KANK4: variants seen among roughly 807,000 people sequenced by gnomAD.
The protein encoded by KANK4 is KN motif and ankyrin repeat domain-containing protein 4.
In KANK4, 50 loss-of-function variants were observed where a neutral mutation model predicts 80.8. The ratio of observed to expected loss-of-function variants is 0.62; its 90% CI spans 0.49 to 0.78. KANK4 has a LOEUF of 0.78. KANK4 is among the 30% of genes least tolerant of loss of function. The pLI is 0.00. For synonymous variants in KANK4, 465 were observed against 506.9 expected, an observed-to-expected ratio of 0.92 and a Z score of 1.11; for missense variants, 1,196 against 1,240.1, an observed-to-expected ratio of 0.96 and a Z score of 0.53.
In KANK4 at chr1:62,238,243, C is replaced by T; in HGVS notation, c.*34G>A. On this transcript the variant is annotated 3_prime_UTR_variant, in exon 10 of 10. Coordinates refer to ENST00000371153, the MANE Select transcript of KANK4 (RefSeq NM_181712.5). ...CGAGGGAGGAGTCCAGAGAAGAAGGCTTTTGTTCCCCACGGCCAGTTCTTC... is the reference window on the plus strand; with the variant it reads ...CGAGGGAGGAGTCCAGAGAAGAAGGTTTTTGTTCCCCACGGCCAGTTCTTC... 6.6e-7 allele frequency: 1 copy of T among 1,521,136 alleles called. No individual in the cohort carries two copies. Among genetic ancestry groups the T allele is most frequent in the Non-Finnish European group, 9.1e-7 (1 of 1,096,788 alleles). The allele number at this position is 1,521,136 out of a possible 1,614,324, so 94.2% of individuals were successfully genotyped here. A position where few individuals can be genotyped will look rare whatever the true frequency, so the allele number is the denominator to read the frequency against.
Position 62,273,234 on chromosome 1 carries a change from G to T in KANK4, c.1870C>A (p.Pro624Thr). The T allele has an allele frequency of 1.3e-6, 2 of 1,520,384 alleles. No individual in the cohort carries two copies. The highest frequency in any genetic ancestry group is 1.8e-6 in the Non-Finnish European group (2 of 1,134,052). 94.2% of individuals were successfully genotyped at this position (1,520,384 alleles called of 1,614,324 possible). Residue 624 changes from proline to threonine, a missense_variant, in exon 3 of 10, where the codon CCA becomes ACA. This residue lies in a region of KANK4 where 1,154 missense variants were observed against 1,179.6 expected (regional missense o/e 0.98). Transcript: ENST00000371153. The stretch of plus-strand genomic sequence containing the variant: ...GGCGGGGAGGAGGAGGAGGCCGGTG[G>T]CTCCTTGGGTGGGTGAGCCTGGGCC... The part of the protein sequence containing the change: ...YSAQAHPPKE[P>T]PASSSSPPVE...
chr1:62,273,860 T>G lies in KANK4; in HGVS notation c.1244A>C (p.Asn415Thr). 6.2e-7 allele frequency: 1 copy of G among 1,614,192 alleles called. No individual in the cohort carries two copies. The highest frequency in any genetic ancestry group is 2.2e-5 in the East Asian group (1 of 44,872). Residue 415 changes from asparagine to threonine, a missense_variant, in exon 3 of 10, where the codon AAC (asparagine) becomes ACC (threonine). Asn to Thr is a moderately conservative substitution (Grantham distance 65). Transcript: ENST00000371153. ...CAAGAGTCCATGGACAGGGTCAGTG[T>G]TCACCATCACGTCCGTCTGGCCCTG... ...DTQGQTDVMV[N>T]TDPVHGLLTR...
Position 62,238,377 on chromosome 1 carries a change from C to T in KANK4, c.2888G>A (p.Gly963Asp). Residue 963 changes from glycine (G) to aspartate (D), a missense_variant, in exon 10 of 10, where the codon GGC (glycine) becomes GAC (aspartate). Gly to Asp is a moderately conservative substitution (Grantham distance 94, BLOSUM62 -1). Transcript: ENST00000371153. Reference protein sequence around the residue: ...ACDSSLTDKAGRTALSIALKS... With the variant: ...ACDSSLTDKADRTALSIALKS... Reference sequence around the variant, plus strand: ...CAGAGCGATGGACAAAGCTGTGCGGCCAGCCTACAGGAGAAAAAGGAAAGA... The same window carrying T: ...CAGAGCGATGGACAAAGCTGTGCGGTCAGCCTACAGGAGAAAAAGGAAAGA... 6.2e-7 allele frequency: 1 copy of T among 1,613,668 alleles called. No individual in the cohort carries two copies. The highest frequency in any genetic ancestry group is 1.6e-4 in the Middle Eastern group (1 of 6,062).
At chr1:62,253,335 A>G in intron 7 of KANK4, 126 bp from the exon 8 acceptor site, 1 of 705,956 alleles carries the variant, frequency 1.4e-6, no homozygotes, top group Non-Finnish European at 2.2e-6. Context: ...TGCTTTCCAC[A>G]GCTGGAGCCA....
At chr1:62,284,122 A>G (rs74076464) in intron 1 of KANK4, among the ~76,000 whole-genome samples, 11,832 of 151,916 alleles carry the variant, frequency 0.078, 1,259 homozygotes, top group African/African-American at 0.24. Flanking sequence ...CCCGACTCCC[A>G]CCCCCAGCCT....
At chr1:62,257,535 G>A (rs2057634) in intron 7 of KANK4, among the ~76,000 whole-genome samples, 20,882 of 152,230 alleles carry the variant, frequency 0.14, 1,584 homozygotes, top group Admixed American at 0.18. Flanking sequence ...AATAAAGGAC[G>A]GATCACTTGG....
chr1:62,294,289 T>A (rs1281390031), intron 1 of KANK4, among the ~76,000 whole-genome samples: 1 of 152,164 alleles, frequency 6.6e-6, no homozygotes, highest in African/African-American at 2.4e-5. Context: ...AACCACAATT[T>A]GGAGTAAATG....
chr1:62,256,582 C>T (rs947963423), intron 7 of KANK4, among the ~76,000 whole-genome samples: 3 of 152,036 alleles, frequency 2.0e-5, no homozygotes, highest in Non-Finnish European at 4.4e-5. Flanking sequence ...GGGGTTTCTC[C>T]ATGTTGGTCA....
intron 1 of KANK4, among the ~76,000 whole-genome samples, chr1:62,281,890 C>T (rs962682229): frequency 6.6e-6 from 1 of 152,112 alleles, no homozygotes; most frequent in Non-Finnish European, 1.5e-5. Flanking sequence ...TCTTGCTTGG[C>T]AGATGAGGAA....
At chr1:62,245,622 T>G (rs938747778) in intron 9 of KANK4, among the ~76,000 whole-genome samples, 5 of 152,226 alleles carry the variant, frequency 3.3e-5, no homozygotes, top group African/African-American at 1.2e-4. Context: ...ATCTCTGCTC[T>G]GCGAATCAGT....
At chr1:62,249,341 CATGTTT>C (rs1671552729) in intron 8 of KANK4, among the ~76,000 whole-genome samples, 1 of 133,418 alleles carries the variant, frequency 7.5e-6, no homozygotes, top group Non-Finnish European at 1.6e-5. Flanking sequence ...TATATGTGTG[CATGTTT>C]GTGTGTGTGC....
intron 5 of KANK4, 27 bp downstream of exon 5, chr1:62,268,260 T>TG: frequency 6.3e-7 from 1 of 1,579,064 alleles, no homozygotes; most frequent in East Asian, 2.2e-5. Flanking sequence ...GAGGAACAAG[T>TG]GCCCGCGTTT....
intron 6 of KANK4, 81 bp from the exon 7 acceptor site, chr1:62,263,392 G>A: frequency 6.9e-6 from 8 of 1,165,744 alleles, no homozygotes; most frequent in Non-Finnish European, 9.9e-6. Flanking sequence ...AGACAGCTTT[G>A]GCCTCTGTCC....
intron 6 of KANK4, among the ~76,000 whole-genome samples, chr1:62,264,490 G>T (rs1160148947): frequency 1.3e-5 from 2 of 152,164 alleles, no homozygotes; most frequent in Non-Finnish European, 2.9e-5. Flanking sequence ...CAACCTTTTT[G>T]ATCCTTACTT....
intron 1 of KANK4, among the ~76,000 whole-genome samples, chr1:62,285,671 A>C (rs563091709): frequency 6.6e-6 from 1 of 152,180 alleles, no homozygotes; most frequent in African/African-American, 2.4e-5. Context: ...TTGCCACGAG[A>C]ATTCTTGGAG....
At chr1:62,266,911 C>T in intron 5 of KANK4, 92 bp from the exon 6 acceptor site, 1 of 841,032 alleles carries the variant, frequency 1.2e-6, no homozygotes, top group South Asian at 1.7e-5. Flanking sequence ...CACATCTCAG[C>T]AGCTCAAAAA....
intron 1 of KANK4, among the ~76,000 whole-genome samples, chr1:62,292,461 G>A (rs748986099): frequency 4.6e-5 from 7 of 152,070 alleles, no homozygotes; most frequent in Non-Finnish European, 8.8e-5. Flanking sequence ...ATTACCTATT[G>A]TTCAAATCCT....
In KANK4 at chr1:62,274,534, G is replaced by A; in HGVS notation, c.570C>T (p.Leu190=). ...LSLGPPAPPA[L]PPLQGEGSVC... ...CACTGCCTTCACCCTGAAGGGGAGGGAGGGCAGGAGGGGCAGGGGGCCCCA... is the reference window on the plus strand; with the variant it reads ...CACTGCCTTCACCCTGAAGGGGAGGAAGGGCAGGAGGGGCAGGGGGCCCCA... Residue 190 remains leucine, a synonymous_variant, in exon 3 of 10, where the codon CTC becomes CTT. Coordinates refer to ENST00000371153, the MANE Select transcript of KANK4 (RefSeq NM_181712.5). 1 of 1,614,178 alleles carries A rather than the reference G, an allele frequency of 6.2e-7. No homozygotes were observed. Among genetic ancestry groups the A allele is most frequent in the Non-Finnish European group, 8.5e-7 (1 of 1,179,994 alleles).
chr1:62,289,045 C>T (rs1050811102), intron 1 of KANK4, among the ~76,000 whole-genome samples: 2 of 152,198 alleles, frequency 1.3e-5, no homozygotes, highest in Admixed American at 1.3e-4. Flanking sequence ...AAAACTCTGC[C>T]AAGCTTGTCC....
Sources: allele counts gnomAD v4.1 joint callset (sites outside exome capture counted in the v4.1 genomes callset), GRCh38; gene constraint gnomAD v4.1.1; regional missense constraint gnomAD v4.1.1; transcripts MANE v1.5; gene names NCBI Gene and HGNC (gene_info 2026-07-23, HGNC 2026-07-21).